Variants in CHMP7 observed in about 807,000 individuals in gnomAD.
CHMP7 encodes CHMP family, member 7.
Under a neutral mutation model 53.7 loss-of-function variants are expected in CHMP7, and 15 were observed. The observed-to-expected ratio is 0.28, with a 90% confidence interval of 0.19 to 0.43. The LOEUF is 0.43. CHMP7 is among the 20% of genes least tolerant of loss of function. CHMP7 has a pLI of 1.00. For missense variants in CHMP7, 527 were observed against 569.4 expected (o/e 0.93, Z 0.76); for synonymous variants, 261 against 228.0 (o/e 1.14, Z -1.30).
chr8:23,252,021 C>G (rs917850816), intron 3 of CHMP7, among the ~76,000 whole-genome samples: 6 of 152,124 alleles, frequency 3.9e-5, no homozygotes, highest in African/African-American at 1.4e-4. Flanking sequence ...CTCCCCACAT[C>G]CTTGTCAGCA....
intron 5 of CHMP7, among the ~76,000 whole-genome samples, chr8:23,257,589 C>G (rs890886994): frequency 1.3e-5 from 2 of 152,230 alleles, no homozygotes; most frequent in Non-Finnish European, 2.9e-5. Context: ...CCTGCCCTTC[C>G]CCCTGAATGA....
chr8:23,253,244 A>G (rs1227215140), intron 3 of CHMP7, among the ~76,000 whole-genome samples: 2 of 152,150 alleles, frequency 1.3e-5, no homozygotes, highest in East Asian at 3.8e-4. Context: ...ATATCCACTG[A>G]TAGGTTGTAT....
Position 23,255,258 on chromosome 8 carries a change from G to A in CHMP7, c.483G>A (p.Glu161=). 1 of 1,614,144 alleles carries A rather than the reference G, an allele frequency of 6.2e-7. No homozygotes were observed. Among genetic ancestry groups the A allele is most frequent in the Non-Finnish European group, 8.5e-7 (1 of 1,180,044 alleles). Reference sequence around the variant, plus strand: ...TGCCTTTCCCACAGGAAAAGGCTGAGGAGGTGTATCGTCTGTATCAGAACT... The same window carrying A: ...TGCCTTTCCCACAGGAAAAGGCTGAAGAGGTGTATCGTCTGTATCAGAACT... ...VAVELLKEKA[E]EVYRLYQNSP... is the part of the protein sequence containing the mutation. Residue 161 remains glutamate, a synonymous_variant, in exon 4 of 11, where the codon GAG becomes GAA. Transcript: ENST00000397677.
At chr8:23,259,363 T>C (rs1802289088) in intron 9 of CHMP7, among the ~76,000 whole-genome samples, 2 of 147,498 alleles carry the variant, frequency 1.4e-5, no homozygotes. Context: ...AGAGACGGGG[T>C]CATTTTTTTT....
chr8:23,250,290 C>T (rs1235095414), intron 3 of CHMP7, among the ~76,000 whole-genome samples: 3 of 151,954 alleles, frequency 2.0e-5, no homozygotes, highest in African/African-American at 7.3e-5. Context: ...TCAGAGCCCA[C>T]CTCCTCCTGT....
chr8:23,248,942 G>A (rs1451116287), intron 2 of CHMP7, among the ~76,000 whole-genome samples: 4 of 152,196 alleles, frequency 2.6e-5, no homozygotes, highest in Admixed American at 2.6e-4. Context: ...CTATCATGGT[G>A]TAAATTTGGC....
At chr8:23,244,979 G>A (rs1353725417) in intron 1 of CHMP7, among the ~76,000 whole-genome samples, 1 of 152,104 alleles carries the variant, frequency 6.6e-6, no homozygotes, top group Non-Finnish European at 1.5e-5. Context: ...CATTAACTTT[G>A]TATCTGCAAT....
At chr8:23,244,571 T>C (rs1191033368) in intron 1 of CHMP7, among the ~76,000 whole-genome samples, 1 of 152,228 alleles carries the variant, frequency 6.6e-6, no homozygotes, top group Non-Finnish European at 1.5e-5. Context: ...TGAAGTTGGG[T>C]TGTATCCGTC....
intron 9 of CHMP7, among the ~76,000 whole-genome samples, 171 bp downstream of exon 9, chr8:23,259,297 T>C (rs1296860305): frequency 6.7e-6 from 1 of 148,562 alleles, no homozygotes; most frequent in East Asian, 2.0e-4. Context: ...GCCTCCCAAG[T>C]AGCTGGGACT....
Position 23,255,771 on chromosome 8 carries a change from C to CTT in CHMP7, c.657+355_657+356dup, listed in dbSNP as rs56174372. 2.3e-3 allele frequency among the ~76,000 whole-genome samples: 304 copies of CTT among 132,972 alleles called. 4 individuals are homozygous for CTT. The highest frequency in any genetic ancestry group is 3.8e-3 in the Admixed American group (49 of 12,922). The allele number at this position is 132,972 out of a possible 152,430, so 87.2% of individuals were successfully genotyped here. A position where few individuals can be genotyped will look rare whatever the true frequency, so the allele number is the denominator to read the frequency against. The stretch of plus-strand genomic sequence containing the variant: ...TTGTGTTCAAGCCACCCTTATTGTA[C>CTT]TTTTTTTTTTTTTTTTTGAGATGGA... On this transcript the variant is annotated intron_variant, in intron 4 of 10. Coordinates refer to ENST00000397677, the MANE Select transcript of CHMP7 (RefSeq NM_152272.5).
intron 7 of CHMP7, 48 bp downstream of exon 7, chr8:23,258,497 G>T (rs1478424299): frequency 4.4e-6 from 7 of 1,607,266 alleles, no homozygotes; most frequent in Non-Finnish European, 6.0e-6. Context: ...CTCCGTGTGT[G>T]TTGGTCACTT....
chr8:23,258,510 A>C, intron 7 of CHMP7, 61 bp downstream of exon 7: 1 of 1,600,838 alleles, frequency 6.2e-7, no homozygotes, highest in East Asian at 2.2e-5. Context: ...GGTCACTTGC[A>C]GCTTCGGCTT....
chr8:23,245,676 A>G (rs534189406), intron 1 of CHMP7, among the ~76,000 whole-genome samples: 17 of 148,532 alleles, frequency 1.1e-4, no homozygotes, highest in Middle Eastern at 3.4e-3. Flanking sequence ...TCTATCTTAT[A>G]AAAGAGATGG....
In CHMP7 at chr8:23,246,649, A is replaced by G. The variant is rs748110164; in HGVS notation, c.-47A>G. 4.0e-6 allele frequency: 6 copies of G among 1,505,822 alleles called. No homozygotes were observed. The highest frequency in any genetic ancestry group is 5.4e-6 in the Non-Finnish European group (6 of 1,117,518). 93.3% of individuals were successfully genotyped at this position (1,505,822 alleles called of 1,614,324 possible). A position where few individuals can be genotyped will look rare whatever the true frequency, so the allele number is the denominator to read the frequency against. ...CGGGAGGGAACGAGGGCGGAAGCGG[A>G]CCAGGGCCAGGCTTGTGTTCGCAGC... On this transcript the variant is annotated 5_prime_UTR_variant, in exon 2 of 11. Transcript: ENST00000397677.
At chr8:23,247,310 C>T (rs866313381) in intron 2 of CHMP7, among the ~76,000 whole-genome samples, 31 of 152,292 alleles carry the variant, frequency 2.0e-4, no homozygotes, top group African/African-American at 6.0e-4. Context: ...GTTGTTGTTT[C>T]CTAAGGGCCT....
chr8:23,249,235 G>C lies in CHMP7; in HGVS notation c.325G>C (p.Asp109His). The C allele has an allele frequency of 6.3e-7, 1 of 1,599,724 alleles. No individual in the cohort carries two copies. The highest frequency in any genetic ancestry group is 8.5e-7 in the Non-Finnish European group (1 of 1,174,410). Reference sequence around the variant, plus strand: ...TCGAGGGGAGCTGCAGCGGGAGTCAGACTTCATGGCCAGTGTAGACAGCAG... The same window carrying C: ...TCGAGGGGAGCTGCAGCGGGAGTCACACTTCATGGCCAGTGTAGACAGCAG... ...LRRGELQRESDFMASVDSSWI... is the reference protein window; with the variant it reads ...LRRGELQRESHFMASVDSSWI... The change falls in exon 3 of 11, where the codon GAC becomes CAC. Residue 109 changes from aspartate to histidine, a missense_variant. Coordinates refer to ENST00000397677, the MANE Select transcript of CHMP7 (RefSeq NM_152272.5).
chr8:23,245,374 T>C (rs1243065967), intron 1 of CHMP7, among the ~76,000 whole-genome samples: 1 of 152,250 alleles, frequency 6.6e-6, no homozygotes, highest in Non-Finnish European at 1.5e-5. Flanking sequence ...TTTTTCTGCA[T>C]CTAGCAATAT....
At position 23,249,313 on chromosome 8, in the gene CHMP7, C is replaced by G. The variant is rs764819133; in HGVS notation, c.403C>G (p.Leu135Val). 1 of 1,613,510 alleles carries G rather than the reference C, an allele frequency of 6.2e-7. No homozygotes were observed. Among genetic ancestry groups the G allele is most frequent in the South Asian group, 1.1e-5 (1 of 90,994 alleles). ...CCTGCTGAAGCCTCTCAAGTGGACT[C>G]TTTCTAACATGCTGGGAGATAATAA... ...VFLLKPLKWT[L>V]SNMLGDNKVP... The change falls in exon 3 of 11, where the codon CTT becomes GTT. Residue 135 changes from leucine (L) to valine (V), a missense_variant. Leu to Val is a conservative substitution (Grantham distance 32). Coordinates refer to ENST00000397677, the MANE Select transcript of CHMP7 (RefSeq NM_152272.5).
At chr8:23,253,050 C>T (rs928294357) in intron 3 of CHMP7, among the ~76,000 whole-genome samples, 4 of 152,184 alleles carry the variant, frequency 2.6e-5, no homozygotes, top group African/African-American at 9.7e-5. Flanking sequence ...TGCAAGTTCT[C>T]CTTGATTCCC....
Sources: allele counts gnomAD v4.1 joint callset (sites outside exome capture counted in the v4.1 genomes callset), GRCh38; gene constraint gnomAD v4.1.1; transcripts MANE v1.5; gene names NCBI Gene and HGNC (gene_info 2026-07-23, HGNC 2026-07-21).